The following FHIT variants were observed in gnomAD, a reference collection of about 807,000 sequenced individuals.
FHIT encodes the protein fragile histidine triad diadenosine triphosphatase.
Under a neutral mutation model 17.9 loss-of-function variants are expected in FHIT, and 19 were observed. The ratio of observed to expected loss-of-function variants is 1.06; its 90% CI spans 0.74 to 1.56. FHIT has a LOEUF of 1.56. Ranked by LOEUF, FHIT falls within the 40% of genes most tolerant of loss-of-function variation. The pLI is 0.00. For missense variants in FHIT, 248 were observed against 189.2 expected, an observed-to-expected ratio of 1.31 and a Z score of -1.82; for synonymous variants, 81 against 69.7, an observed-to-expected ratio of 1.16 and a Z score of -0.81.
rs1042667489 is a variant in FHIT, at chr3:60,284,309, C to T, written c.103+252551G>A. Among the ~76,000 whole-genome samples the T allele has an allele frequency of 6.6e-5, 10 of 152,168 alleles. No individual in the cohort carries two copies. In the South Asian group the frequency reaches 1.0e-3, roughly 16 times the overall value. On this transcript the variant is annotated intron_variant, in intron 5 of 9. Coordinates refer to ENST00000492590, the MANE Select transcript of FHIT (RefSeq NM_002012.4). ...AATGTAAAGACAAATGAGGTGTAGA[C>T]GTTCAGCTAGAAATTAGACAAAATG...
At chr3:60,722,183 G>A (rs2041822155) in intron 4 of FHIT, among the ~76,000 whole-genome samples, 1 of 152,202 alleles carries the variant, frequency 6.6e-6, no homozygotes, top group Non-Finnish European at 1.5e-5. Context: ...GTCAATGACT[G>A]AGCCACCCAT....
intron 5 of FHIT, among the ~76,000 whole-genome samples, chr3:60,516,659 C>G (rs2035170953): frequency 6.6e-6 from 1 of 152,154 alleles, no homozygotes; most frequent in South Asian, 2.1e-4. Flanking sequence ...TAGGTTTGCT[C>G]ATGAGTGCTA....
At chr3:60,236,153 T>TAGTA (rs1290797431) in intron 5 of FHIT, among the ~76,000 whole-genome samples, 1 of 151,886 alleles carries the variant, frequency 6.6e-6, no homozygotes, top group African/African-American at 2.4e-5. Flanking sequence ...TTTCCATGAC[T>TAGTA]AGTACCTCAT....
At chr3:60,982,471 CAATAGTAAATGCTTCATA>C (rs1710538179) in intron 3 of FHIT, among the ~76,000 whole-genome samples, 1 of 152,220 alleles carries the variant, frequency 6.6e-6, no homozygotes, top group Non-Finnish European at 1.5e-5. Context: ...TATTGCCAGT[CAATAGTAAATGCTTCATA>C]AATATAATCA....
At chr3:60,060,843 T>C (rs1462267062) in intron 5 of FHIT, among the ~76,000 whole-genome samples, 1 of 152,222 alleles carries the variant, frequency 6.6e-6, no homozygotes, top group Non-Finnish European at 1.5e-5. Flanking sequence ...ATTAATTACT[T>C]CTTGGAAAAA....
At chr3:60,028,277 C>T (rs1700839906) in intron 5 of FHIT, among the ~76,000 whole-genome samples, 1 of 152,226 alleles carries the variant, frequency 6.6e-6, no homozygotes, top group African/African-American at 2.4e-5. Flanking sequence ...ATTTCAGTTA[C>T]TCCAGTTTAA....
At chr3:59,749,762 C>CATCTAATTCTTGT (rs1380686370) in intron 9 of FHIT, 183 bp from the exon 10 acceptor site, 1 of 227,932 alleles carries the variant, frequency 4.4e-6, no homozygotes, top group Non-Finnish European at 8.7e-6. Context: ...CAGAACCCAG[C>CATCTAATTCTTGT]ATCTAATTCT....
chr3:59,853,872 T>C (rs1702041553), intron 8 of FHIT, among the ~76,000 whole-genome samples: 1 of 152,134 alleles, frequency 6.6e-6, no homozygotes, highest in Non-Finnish European at 1.5e-5. Flanking sequence ...TCATGAAGAC[T>C]TAGCAGTTAA....
At chr3:60,448,518 G>A (rs568245411) in intron 5 of FHIT, among the ~76,000 whole-genome samples, 27 of 152,236 alleles carry the variant, frequency 1.8e-4, no homozygotes, top group Non-Finnish European at 2.4e-4. Flanking sequence ...ATTAAATACC[G>A]TCATAATCCT....
At chr3:60,046,074 T>C (rs1386621905) in intron 5 of FHIT, among the ~76,000 whole-genome samples, 1 of 152,260 alleles carries the variant, frequency 6.6e-6, no homozygotes, top group East Asian at 1.9e-4. Flanking sequence ...ATTTATCCTA[T>C]ATTTCTGCCT....
At chr3:61,068,057 T>C (rs1380118372) in intron 2 of FHIT, among the ~76,000 whole-genome samples, 1 of 152,164 alleles carries the variant, frequency 6.6e-6, no homozygotes, top group Non-Finnish European at 1.5e-5. Flanking sequence ...ATTAAGTAAG[T>C]GTAGGGTGAG....
At chr3:60,411,908 C>T (rs1002984320) in intron 5 of FHIT, among the ~76,000 whole-genome samples, 1 of 151,962 alleles carries the variant, frequency 6.6e-6, no homozygotes, top group Non-Finnish European at 1.5e-5. Flanking sequence ...TGGATGACTT[C>T]TTAGAAAAGT....
chr3:60,635,797 A>G (rs7625928), intron 4 of FHIT, among the ~76,000 whole-genome samples: 76,035 of 151,936 alleles, frequency 0.5, 19,215 homozygotes, highest in East Asian at 0.68. Context: ...GTCCAAGAGC[A>G]GGGTTGGCAA....
intron 8 of FHIT, among the ~76,000 whole-genome samples, chr3:59,842,862 CT>C (rs1701583066): frequency 6.6e-6 from 1 of 151,926 alleles, no homozygotes; most frequent in Non-Finnish European, 1.5e-5. Flanking sequence ...TGTGGGTTGC[CT>C]TTTTACTATA....
At chr3:60,608,610 T>A (rs2107727040) in intron 4 of FHIT, among the ~76,000 whole-genome samples, 1 of 152,230 alleles carries the variant, frequency 6.6e-6, no homozygotes, top group South Asian at 2.1e-4. Flanking sequence ...AAAAAGGAGT[T>A]GGGTCAAACA....
intron 2 of FHIT, among the ~76,000 whole-genome samples, chr3:61,061,319 G>T (rs1360798396): frequency 6.6e-6 from 1 of 152,044 alleles, no homozygotes; most frequent in South Asian, 2.1e-4. Context: ...TTTGTGCCTT[G>T]GTTACAGGTA....
At chr3:59,760,419 T>C (rs1701451318) in intron 8 of FHIT, among the ~76,000 whole-genome samples, 2 of 152,308 alleles carry the variant, frequency 1.3e-5, no homozygotes, top group East Asian at 3.9e-4. Flanking sequence ...CAAATGAGAC[T>C]TTGCTAGCAT....
chr3:60,811,855 A>T (rs1553736115), intron 4 of FHIT, among the ~76,000 whole-genome samples: 1 of 152,190 alleles, frequency 6.6e-6, no homozygotes, highest in Admixed American at 6.5e-5. Context: ...CATTGTAAAG[A>T]TTTAGAGAGA....
At chr3:59,828,847 C>CTGTG (rs56245948) in intron 8 of FHIT, among the ~76,000 whole-genome samples, 29 of 150,988 alleles carry the variant, frequency 1.9e-4, no homozygotes, top group African/African-American at 6.9e-4. Context: ...GGTACTCTCT[C>CTGTG]TGTGTGTGTG....
Sources: allele counts gnomAD v4.1 joint callset (sites outside exome capture counted in the v4.1 genomes callset), GRCh38; gene constraint gnomAD v4.1.1; transcripts MANE v1.5; gene names NCBI Gene and HGNC (gene_info 2026-07-23, HGNC 2026-07-21).